Variants in LAMTOR3 observed in about 807,000 individuals in gnomAD.
LAMTOR3 encodes the protein ragulator complex protein LAMTOR3.
LAMTOR3 carries 14 observed loss-of-function variants against 20.3 expected under a neutral mutation model. That is an observed-to-expected ratio of 0.69 (90% CI 0.46 to 1.08). The LOEUF is 1.08. Among genes scored for constraint, LAMTOR3 ranks in the 50% least tolerant of loss-of-function variants. LAMTOR3 has a pLI of 0.00. For synonymous variants in LAMTOR3, 40 were observed against 49.4 expected, an observed-to-expected ratio of 0.81 and a Z score of 0.80; for missense variants, 125 against 143.7, an observed-to-expected ratio of 0.87 and a Z score of 0.67.
chr4:99,894,459 A>G (rs1428950673), upstream of LAMTOR3: 1 of 152,440 alleles, frequency 6.6e-6, no homozygotes, highest in Non-Finnish European at 1.5e-5. Context: ...AGCACTTTCT[A>G]AGCCGCCGTC....
intron 4 of LAMTOR3, among the ~76,000 whole-genome samples, chr4:99,886,856 T>A (rs751119440): frequency 5.3e-5 from 8 of 152,180 alleles, no homozygotes; most frequent in Non-Finnish European, 1.0e-4. Context: ...TGTTTACTTA[T>A]GATCCAAATA....
Position 99,893,031 on chromosome 4 carries a change from G to GA in LAMTOR3, c.9+923dup, listed in dbSNP as rs1474966956. On this transcript the variant is annotated intron_variant, in intron 2 of 6. Transcript: ENST00000499666. The stretch of plus-strand genomic sequence containing the variant: ...ACAATGTGTGTCAAGTGTTTAACAC[G>GA]AAACACAGTTAAGACTAAAGAAGTA... 3.4e-4 allele frequency among the ~76,000 whole-genome samples: 51 copies of GA among 152,196 alleles called. 3 individuals carry two copies. Among genetic ancestry groups the GA allele is most frequent in the African/African-American group, 1.1e-3 (47 of 41,502 alleles).
intron 5 of LAMTOR3, 28 bp downstream of exon 5, chr4:99,885,514 G>A: frequency 6.4e-7 from 1 of 1,556,604 alleles, no homozygotes; most frequent in Admixed American, 2.0e-5. Context: ...ACTGAAATCA[G>A]CAAATCATTT....
Position 99,881,034 on chromosome 4 carries a change from A to G in LAMTOR3, c.*960T>C, listed in dbSNP as rs1724816465. On this transcript the variant is annotated 3_prime_UTR_variant, in exon 7 of 7. Transcript: ENST00000499666. ...CAGTGGCACAATCTTGGCTGACTGC[A>G]ATCTCAGGTTTCTTTTCCAGTTAAC... 1 of 152,176 alleles carries G rather than the reference A, an allele frequency of 6.6e-6. No homozygotes were observed. Among genetic ancestry groups the G allele is most frequent in the Admixed American group, 6.5e-5 (1 of 15,278 alleles). The allele number at this position is 152,176 out of a possible 1,614,324, so 9.4% of individuals were successfully genotyped here.
chr4:99,888,209 C>T (rs1228663731), intron 3 of LAMTOR3, among the ~76,000 whole-genome samples: 2 of 152,126 alleles, frequency 1.3e-5, no homozygotes, highest in Non-Finnish European at 2.9e-5. Context: ...TTACAAGCCT[C>T]AGATTAACAA....
chr4:99,881,810 A>C lies in LAMTOR3; in HGVS notation c.*184T>G. 3 of 568,502 alleles carry C rather than the reference A, an allele frequency of 5.3e-6. No individual in the cohort carries two copies. The South Asian group carries it at 6.5e-5, about 12-fold the overall frequency. 35.2% of individuals were successfully genotyped at this position (568,502 alleles called of 1,614,324 possible). ...TCTCACTAAATAAGAAAGACCCTAC[A>C]CCAGAAAATATAGCAACTGATCTAT... On this transcript the variant is annotated 3_prime_UTR_variant, in exon 7 of 7. Coordinates refer to ENST00000499666, the MANE Select transcript of LAMTOR3 (RefSeq NM_021970.4).
intron 3 of LAMTOR3, among the ~76,000 whole-genome samples, chr4:99,888,062 T>C (rs1724960833): frequency 6.6e-6 from 1 of 152,192 alleles, no homozygotes; most frequent in African/African-American, 2.4e-5. Context: ...GGCTATGCAG[T>C]AATCCTTTCA....
chr4:99,882,222 C>G (rs1448218255), intron 6 of LAMTOR3, among the ~76,000 whole-genome samples, 155 bp from the exon 7 acceptor site: 1 of 152,088 alleles, frequency 6.6e-6, no homozygotes, highest in African/African-American at 2.4e-5. Context: ...TTGAATATCC[C>G]TTATCCAAAA....
In LAMTOR3 at chr4:99,878,425, A is replaced by G. The variant is rs945167541; in HGVS notation, c.*3569T>C. 6.6e-6 allele frequency: 1 copy of G among 152,124 alleles called. No homozygotes were observed. Among genetic ancestry groups the G allele is most frequent in the African/African-American group, 2.4e-5 (1 of 41,422 alleles). The allele number at this position is 152,124 out of a possible 1,614,324, so 9.4% of individuals were successfully genotyped here. A position where few individuals can be genotyped will look rare whatever the true frequency, so the allele number is the denominator to read the frequency against. ...GAAATATTTTATTTCTAATTTTATT[A>G]TTTTTGAACAGTTAAAAACTCAAAG... On this transcript the variant is annotated 3_prime_UTR_variant, in exon 7 of 7. Coordinates refer to ENST00000499666, the MANE Select transcript of LAMTOR3 (RefSeq NM_021970.4).
intron 2 of LAMTOR3, among the ~76,000 whole-genome samples, chr4:99,893,606 G>A (rs1725066061): frequency 6.6e-6 from 1 of 152,154 alleles, no homozygotes; most frequent in Non-Finnish European, 1.5e-5. Context: ...ATGTCCTACT[G>A]ACCAAATTCT....
intron 6 of LAMTOR3, 49 bp downstream of exon 6, chr4:99,884,013 A>T (rs1190866827): frequency 1.5e-6 from 2 of 1,308,998 alleles, no homozygotes; most frequent in Non-Finnish European, 2.2e-6. Context: ...AATTAAATTA[A>T]TTTTTTAAAA....
rs568789528 is a variant in LAMTOR3 at position 99,879,445 on chromosome 4, T to A, written c.*2549A>T. Reference sequence around the variant, plus strand: ...TTTGTTATCATTTCTTTTTCTAGGATTTTTAGATATACAATTATTATCTGC... The same window carrying A: ...TTTGTTATCATTTCTTTTTCTAGGAATTTTAGATATACAATTATTATCTGC... On this transcript the variant is annotated 3_prime_UTR_variant, in exon 7 of 7. Transcript: ENST00000499666. 5.3e-5 allele frequency: 8 copies of A among 152,330 alleles called. No homozygotes were observed. Among genetic ancestry groups the A allele is most frequent in the East Asian group, 1.9e-4 (1 of 5,190 alleles). 9.4% of individuals were successfully genotyped at this position (152,330 alleles called of 1,614,324 possible). A position where few individuals can be genotyped will look rare whatever the true frequency, so the allele number is the denominator to read the frequency against.
At position 99,879,160 on chromosome 4, in the gene LAMTOR3, A is replaced by G. The variant is rs1724772140; in HGVS notation, c.*2834T>C. 6.6e-6 allele frequency: 1 copy of G among 152,184 alleles called. No individual in the cohort carries two copies. Among genetic ancestry groups the G allele is most frequent in the Admixed American group, 6.5e-5 (1 of 15,272 alleles). 9.4% of individuals were successfully genotyped at this position (152,184 alleles called of 1,614,324 possible). A position where few individuals can be genotyped will look rare whatever the true frequency, so the allele number is the denominator to read the frequency against. On this transcript the variant is annotated 3_prime_UTR_variant, in exon 7 of 7. Transcript: ENST00000499666. ...TTTCCCATTGTGATCCCGTCTTTAT[A>G]ACAATGTTTTAAGCCCTCACATGTA...
chr4:99,887,233 T>G, intron 4 of LAMTOR3, 63 bp downstream of exon 4: 2 of 1,087,712 alleles, frequency 1.8e-6, no homozygotes, highest in Non-Finnish European at 2.7e-6. Context: ...TACTCAGATG[T>G]AAATTACACA....
chr4:99,894,247 A>C, intron 1 of LAMTOR3, 88 bp downstream of exon 1: 1 of 369,560 alleles, frequency 2.7e-6, no homozygotes, highest in Non-Finnish European at 4.8e-6. Flanking sequence ...AAAGAAAAGA[A>C]GAGAGGGTCC....
chr4:99,882,211 G>A, intron 6 of LAMTOR3, 144 bp from the exon 7 acceptor site: 4 of 594,310 alleles, frequency 6.7e-6, no homozygotes, highest in Non-Finnish European at 8.9e-6. Flanking sequence ...CAAAATACAG[G>A]TTGAATATCC....
intron 3 of LAMTOR3, among the ~76,000 whole-genome samples, chr4:99,888,673 T>C (rs1225578548): frequency 6.6e-6 from 1 of 152,202 alleles, no homozygotes. Flanking sequence ...ACCTAATGTT[T>C]AAATACTGAC....
In LAMTOR3 at chr4:99,879,961, C is replaced by G. The variant is rs1724792853; in HGVS notation, c.*2033G>C. ...TACACACCTAGGCTATATGGTATAG[C>G]CTACTACACACCTAGGCTATATGGT... is the stretch of plus-strand genomic sequence containing the variant. On this transcript the variant is annotated 3_prime_UTR_variant, in exon 7 of 7. Transcript: ENST00000499666. 1.3e-5 allele frequency: 2 copies of G among 151,308 alleles called. No individual in the cohort carries two copies. The highest frequency in any genetic ancestry group is 1.3e-4 in the Admixed American group (2 of 15,208). 9.4% of individuals were successfully genotyped at this position (151,308 alleles called of 1,614,324 possible). A position where few individuals can be genotyped will look rare whatever the true frequency, so the allele number is the denominator to read the frequency against.
rs1168105576 is a variant in LAMTOR3 at position 99,879,108 on chromosome 4, T to C, written c.*2886A>G. 4 of 152,306 alleles carry C rather than the reference T, an allele frequency of 2.6e-5. No homozygotes were observed. The highest frequency in any genetic ancestry group is 9.6e-5 in the African/African-American group (4 of 41,564). 9.4% of individuals were successfully genotyped at this position (152,306 alleles called of 1,614,324 possible). A position where few individuals can be genotyped will look rare whatever the true frequency, so the allele number is the denominator to read the frequency against. On this transcript the variant is annotated 3_prime_UTR_variant, in exon 7 of 7. Transcript: ENST00000499666. ...ACACTTCCCTAGCAGGCATAGAGAA[T>C]GCCTGCCCTACTTATTGAATAATCC...
Sources: allele counts gnomAD v4.1 joint callset (sites outside exome capture counted in the v4.1 genomes callset), GRCh38; gene constraint gnomAD v4.1.1; transcripts MANE v1.5; gene names NCBI Gene and HGNC (gene_info 2026-07-23, HGNC 2026-07-21).